Variants in TK2 observed in about 807,000 individuals in gnomAD.
The protein encoded by TK2 is thymidine kinase 2, also known as thymidine kinase 2, mitochondrial.
A neutral mutation model predicts 41.9 loss-of-function variants in TK2; 35 were observed. The ratio of observed to expected loss-of-function variants is 0.84; its 90% CI spans 0.64 to 1.11. The LOEUF is 1.11. Ranked by LOEUF, TK2 falls within the 50% of genes least tolerant of loss-of-function variation. The pLI, the probability that TK2 is intolerant of heterozygous loss-of-function variation, is 0.00. For synonymous variants in TK2, 128 were observed against 129.1 expected (o/e 0.99, Z 0.06); for missense variants, 320 against 351.1 (o/e 0.91, Z 0.71).
chr16:66,519,247 C>A (rs984029625), intron 6 of TK2, among the ~76,000 whole-genome samples: 2 of 151,714 alleles, frequency 1.3e-5, no homozygotes, highest in African/African-American at 2.4e-5. Flanking sequence ...GGCGTGATCT[C>A]AGCTCACAGC....
rs763790647 is a variant in TK2 at position 66,531,507 on chromosome 16, G to A, written c.286-38C>T. On this transcript the variant is annotated intron_variant, in intron 4 of 9. Transcript: ENST00000544898. ...AAACACAGCACTTTCCATCAAAGTG[G>A]CATCTGCAGGAGGACCCTGGTCTCA... 18 of 1,594,188 alleles carry A rather than the reference G, an allele frequency of 1.1e-5. No homozygotes were observed. In the African/African-American group the frequency reaches 2.3e-4, roughly 20 times the overall value.
chr16:66,540,178 T>A (rs1231284992), intron 3 of TK2, among the ~76,000 whole-genome samples: 1 of 148,816 alleles, frequency 6.7e-6, no homozygotes, highest in Non-Finnish European at 1.5e-5. Context: ...TTTTTCTTTT[T>A]TTTTTTTTTT....
chr16:66,523,294 G>C (rs1402334701), intron 6 of TK2, among the ~76,000 whole-genome samples: 1 of 152,136 alleles, frequency 6.6e-6, no homozygotes, highest in East Asian at 1.9e-4. Flanking sequence ...ATGGCATTTT[G>C]GGAAGCCTTT....
At position 66,510,496 on chromosome 16, in the gene TK2, T is replaced by A. The variant is rs886052202; in HGVS notation, c.*1472A>T. On this transcript the variant is annotated 3_prime_UTR_variant, in exon 10 of 10. Transcript: ENST00000544898. Reference sequence around the variant, plus strand: ...AGGAAGAACCAGGAGTTGCAGGCCTTGACTTCCTAACTCTCTGGGACTGGC... The same window carrying A: ...AGGAAGAACCAGGAGTTGCAGGCCTAGACTTCCTAACTCTCTGGGACTGGC... 3 of 152,284 alleles carry A rather than the reference T, an allele frequency of 2.0e-5. No homozygotes were observed. Among genetic ancestry groups the A allele is most frequent in the Non-Finnish European group, 4.4e-5 (3 of 68,074 alleles). 9.4% of individuals were successfully genotyped at this position (152,284 alleles called of 1,614,324 possible).
chr16:66,537,719 G>A (rs1042081694), intron 3 of TK2, among the ~76,000 whole-genome samples: 8 of 152,242 alleles, frequency 5.3e-5, no homozygotes, highest in African/African-American at 1.7e-4. Context: ...TTCTGGGTAT[G>A]CAGGTGTGTG....
intron 4 of TK2, among the ~76,000 whole-genome samples, chr16:66,533,919 A>C (rs1157507273): frequency 6.7e-6 from 1 of 150,304 alleles, no homozygotes; most frequent in African/African-American, 2.5e-5. Flanking sequence ...GAGGCAGGAG[A>C]ATGGCGCGAA....
At chr16:66,512,519 C>T (rs1283374278) in intron 9 of TK2, among the ~76,000 whole-genome samples, 12 of 152,124 alleles carry the variant, frequency 7.9e-5, no homozygotes, top group African/African-American at 1.9e-4. Context: ...CAGTGGCTCA[C>T]GCCTGTGATC....
At chr16:66,530,763 G>A (rs1270146175) in intron 5 of TK2, among the ~76,000 whole-genome samples, 1 of 151,516 alleles carries the variant, frequency 6.6e-6, no homozygotes. Context: ...TGTCACCCAG[G>A]CTGGAGTGCA....
chr16:66,548,329 C>G (rs1965671774), intron 2 of TK2, among the ~76,000 whole-genome samples: 1 of 152,154 alleles, frequency 6.6e-6, no homozygotes, highest in Non-Finnish European at 1.5e-5. Flanking sequence ...GCCAAGCCAC[C>G]CCCTTCCCAG....
At chr16:66,549,775 C>T (rs1417022342) in intron 1 of TK2, 163 bp downstream of exon 1, 1 of 1,280,688 alleles carries the variant, frequency 7.8e-7, no homozygotes, top group African/African-American at 1.6e-5. Flanking sequence ...GGTCTCGCGC[C>T]CGGGTAACGG....
At position 66,517,220 on chromosome 16, in the gene TK2, G is replaced by T. The variant is rs1964642585; in HGVS notation, c.539-5C>A. 6.2e-7 allele frequency: 1 copy of T among 1,613,844 alleles called. No homozygotes were observed. Among genetic ancestry groups the T allele is most frequent in the East Asian group, 2.2e-5 (1 of 44,884 alleles). On this transcript the variant is annotated splice_polypyrimidine_tract_variant and splice_region_variant and intron_variant, in intron 7 of 9. Coordinates refer to ENST00000544898, the MANE Select transcript of TK2 (RefSeq NM_004614.5). The surrounding 1 kb of genome is among the most constrained non-coding windows in gnomAD (Gnocchi z 4.3). ...CAGGATTGGTCCGAAGGTAAACTGA[G>T]GTTAAAAGAATACGTGGCTCTCAGG...
At chr16:66,547,047 A>ATGG in intron 2 of TK2, among the ~76,000 whole-genome samples, 1 of 152,234 alleles carries the variant, frequency 6.6e-6, no homozygotes, top group South Asian at 2.1e-4. Context: ...GCCATTAGGT[A>ATGG]TGGCCCTGTT....
At chr16:66,521,521 T>C (rs1005936660) in intron 6 of TK2, among the ~76,000 whole-genome samples, 1 of 152,156 alleles carries the variant, frequency 6.6e-6, no homozygotes, top group Non-Finnish European at 1.5e-5. Context: ...AACCCTTCCA[T>C]GACTAGAACC....
intron 2 of TK2, among the ~76,000 whole-genome samples, chr16:66,545,532 T>C (rs1410066064): frequency 6.6e-6 from 1 of 152,210 alleles, no homozygotes; most frequent in African/African-American, 2.4e-5. Flanking sequence ...GTCAAAATAT[T>C]ATGCTAAGCA....
At chr16:66,523,994 C>T (rs1049819608) in intron 6 of TK2, among the ~76,000 whole-genome samples, 2 of 152,298 alleles carry the variant, frequency 1.3e-5, no homozygotes, top group East Asian at 1.9e-4. Context: ...GCTAAAAATA[C>T]TTTTTACTTT....
chr16:66,516,181 G>C lies in TK2; in HGVS notation c.618+955C>G, dbSNP rs999189601. 2.0e-5 allele frequency among the ~76,000 whole-genome samples: 3 copies of C among 152,240 alleles called. No individual in the cohort carries two copies. The East Asian group carries it at 5.8e-4, about 29-fold the overall frequency. Reference sequence around the variant, plus strand: ...AAGGCCCATGATCACAGAAAGCCAGGGGGTGGGTTTGGGGGGGGTTACAAT... The same window carrying C: ...AAGGCCCATGATCACAGAAAGCCAGCGGGTGGGTTTGGGGGGGGTTACAAT... On this transcript the variant is annotated intron_variant, in intron 8 of 9. Coordinates refer to ENST00000544898, the MANE Select transcript of TK2 (RefSeq NM_004614.5).
At chr16:66,549,101 T>G in intron 1 of TK2, 92 bp from the exon 2 acceptor site, 3 of 1,595,360 alleles carry the variant, frequency 1.9e-6, no homozygotes, top group Non-Finnish European at 2.6e-6. Context: ...CACTAATGTT[T>G]ATGCTCACTC....
At chr16:66,533,097 T>C (rs1328376231) in intron 4 of TK2, among the ~76,000 whole-genome samples, 1 of 148,226 alleles carries the variant, frequency 6.7e-6, no homozygotes, top group Non-Finnish European at 1.5e-5. Flanking sequence ...TTAAACAGAG[T>C]CTTGCTCTGT....
At position 66,514,687 on chromosome 16, in the gene TK2, G is replaced by C. The variant is rs373735998; in HGVS notation, c.619-876C>G. 2.5e-3 allele frequency among the ~76,000 whole-genome samples: 386 copies of C among 152,326 alleles called. 1 individual carries two copies. The highest frequency in any genetic ancestry group is 6.8e-3 in the East Asian group (35 of 5,176). ...TGGGAGGTGTACCCAATAGCTCATT[G>C]AGAACGGGCCATGATGACGATGGCG... is the stretch of plus-strand genomic sequence containing the variant. On this transcript the variant is annotated intron_variant, in intron 8 of 9. Transcript: ENST00000544898. This position sits in a 1 kb window ranked among gnomAD's most constrained non-coding sequence, Gnocchi z 4.2.
Sources: allele counts gnomAD v4.1 joint callset (sites outside exome capture counted in the v4.1 genomes callset), GRCh38; gene constraint gnomAD v4.1.1; non-coding constraint Gnocchi (gnomAD v3.1); transcripts MANE v1.5; gene names NCBI Gene and HGNC (gene_info 2026-07-23, HGNC 2026-07-21).